Variants in PDS5B observed in about 807,000 individuals in gnomAD.
PDS5B encodes the protein PDS5 cohesin associated factor B, also known as sister chromatid cohesion protein PDS5 homolog B.
A neutral mutation model predicts 184.1 loss-of-function variants in PDS5B; 51 were observed. The ratio of observed to expected loss-of-function variants is 0.28; its 90% CI spans 0.22 to 0.35. PDS5B has a LOEUF of 0.35. Among genes scored for constraint, PDS5B ranks in the 10% least tolerant of loss-of-function variants. The pLI is 1.00. For missense variants in PDS5B, 1,180 were observed against 1,723.3 expected, an observed-to-expected ratio of 0.68 and a Z score of 5.58; for synonymous variants, 566 against 569.2, an observed-to-expected ratio of 0.99 and a Z score of 0.08.
chr13:32,696,752 C>A (rs1298920440), intron 14 of PDS5B, 102 bp from the exon 15 acceptor site: 2 of 763,084 alleles, frequency 2.6e-6, no homozygotes, highest in Non-Finnish European at 2.3e-6. Context: ...GAGCATGGGT[C>A]TGCAGCATTT....
intron 1 of PDS5B, among the ~76,000 whole-genome samples, chr13:32,587,186 C>A (rs1454507174): frequency 6.6e-6 from 1 of 150,494 alleles, no homozygotes; most frequent in Admixed American, 6.6e-5. Flanking sequence ...CCGCCGGGTC[C>A]CCGCGCGCCG....
At chr13:32,711,671 T>C (rs1437309511) in intron 19 of PDS5B, among the ~76,000 whole-genome samples, 2 of 152,202 alleles carry the variant, frequency 1.3e-5, no homozygotes, top group Non-Finnish European at 2.9e-5. Flanking sequence ...ACTTCTAATT[T>C]TTAAGTAATC....
intron 10 of PDS5B, among the ~76,000 whole-genome samples, chr13:32,683,044 G>A (rs995107862): frequency 9.9e-5 from 15 of 150,878 alleles, no homozygotes; most frequent in African/African-American, 3.4e-4. Context: ...AGGCAGTCTC[G>A]CCCTGTCACC....
chr13:32,724,727 A>G (rs1285980959), intron 19 of PDS5B, among the ~76,000 whole-genome samples: 2 of 151,992 alleles, frequency 1.3e-5, no homozygotes, highest in Admixed American at 6.6e-5. Flanking sequence ...CTACAGGCGC[A>G]TGTCACCATG....
intron 9 of PDS5B, among the ~76,000 whole-genome samples, chr13:32,677,202 T>C (rs1951095380): frequency 6.6e-6 from 1 of 152,040 alleles, no homozygotes; most frequent in Non-Finnish European, 1.5e-5. Context: ...TTAAGCCAAC[T>C]TTTTTCTTTT....
intron 1 of PDS5B, among the ~76,000 whole-genome samples, chr13:32,635,994 C>T (rs1402376016): frequency 6.6e-6 from 1 of 151,964 alleles, no homozygotes; most frequent in Non-Finnish European, 1.5e-5. Context: ...TGGTCTCGAT[C>T]TCCTGACCTT....
At chr13:32,663,796 A>C (rs1251241121) in intron 6 of PDS5B, among the ~76,000 whole-genome samples, 1 of 152,164 alleles carries the variant, frequency 6.6e-6, no homozygotes, top group African/African-American at 2.4e-5. Flanking sequence ...GTGAAGTCTG[A>C]GCTTTTAGTG....
At chr13:32,728,211 A>G (rs1952977115) in intron 19 of PDS5B, among the ~76,000 whole-genome samples, 1 of 151,564 alleles carries the variant, frequency 6.6e-6, no homozygotes, top group Non-Finnish European at 1.5e-5. Flanking sequence ...GATTTATTCT[A>G]ACTTCTTGAG....
chr13:32,660,007 A>G (rs1950602515), intron 6 of PDS5B, among the ~76,000 whole-genome samples: 1 of 151,794 alleles, frequency 6.6e-6, no homozygotes, highest in African/African-American at 2.4e-5. Flanking sequence ...AACTTAGCAG[A>G]CACTACAAAT....
chr13:32,628,156 T>G lies in PDS5B; in HGVS notation c.-19-20598T>G, dbSNP rs533767353. Among the ~76,000 whole-genome samples, 68 of 152,366 alleles carry G rather than the reference T, an allele frequency of 4.5e-4. No homozygotes were observed. In the South Asian group the frequency reaches 0.013, roughly 30 times the overall value. Reference sequence around the variant, plus strand: ...TAAGGATTGCTTTTAAAAAATACTTTATTACAAATACTTTGAAATAACATA... The same window carrying G: ...TAAGGATTGCTTTTAAAAAATACTTGATTACAAATACTTTGAAATAACATA... On this transcript the variant is annotated intron_variant, in intron 1 of 34. Transcript: ENST00000315596.
chr13:32,747,991 A>G (rs992159576), intron 24 of PDS5B, among the ~76,000 whole-genome samples: 23 of 152,222 alleles, frequency 1.5e-4, no homozygotes, highest in African/African-American at 5.5e-4. Flanking sequence ...TTTGTTATAC[A>G]TTGCCACCTC....
intron 10 of PDS5B, among the ~76,000 whole-genome samples, chr13:32,682,271 A>C (rs1028459614): frequency 6.6e-6 from 1 of 152,162 alleles, no homozygotes; most frequent in African/African-American, 2.4e-5. Context: ...CATGATGCCA[A>C]AAAGTCCCCC....
rs778404816 is a variant in PDS5B, at chr13:32,775,067, T to A, written c.*15T>A. 8 of 1,580,448 alleles carry A rather than the reference T, an allele frequency of 5.1e-6. No individual in the cohort carries two copies. In the Admixed American group the frequency reaches 1.0e-4, roughly 20 times the overall value. On this transcript the variant is annotated 3_prime_UTR_variant, in exon 35 of 35. Coordinates refer to ENST00000315596, the MANE Select transcript of PDS5B (RefSeq NM_015032.4). ...AACGGCGATGAACAAATGTAATTAA[T>A]AACTTTCTCTGTGAAAGCTTTGGAA...
intron 20 of PDS5B, among the ~76,000 whole-genome samples, chr13:32,732,562 C>T (rs1454504834): frequency 1.3e-5 from 2 of 151,856 alleles, no homozygotes; most frequent in Non-Finnish European, 2.9e-5. Context: ...TTTGTAGGAT[C>T]AAAAAATTTG....
intron 6 of PDS5B, among the ~76,000 whole-genome samples, chr13:32,666,262 G>A (rs1295524053): frequency 6.6e-6 from 1 of 151,992 alleles, no homozygotes; most frequent in African/African-American, 2.4e-5. Context: ...ATTTTTATTG[G>A]AGACGGGGTT....
Position 32,737,730 on chromosome 13 carries a change from A to G in PDS5B, c.2406+2400A>G, listed in dbSNP as rs145102415. On this transcript the variant is annotated intron_variant, in intron 21 of 34. Coordinates refer to ENST00000315596, the MANE Select transcript of PDS5B (RefSeq NM_015032.4). ...ATCCATTAATTTGTCTTGTTTTATT[A>G]TATATTTGATATGTACAAAGGAATA... 9.6e-3 allele frequency among the ~76,000 whole-genome samples: 1,464 copies of G among 152,282 alleles called. 9 individuals are homozygous for G. Among genetic ancestry groups the G allele is most frequent in the Non-Finnish European group, 0.014 (956 of 68,024 alleles).
At chr13:32,663,510 GA>G (rs1434003448) in intron 6 of PDS5B, among the ~76,000 whole-genome samples, 1 of 152,086 alleles carries the variant, frequency 6.6e-6, no homozygotes, top group Non-Finnish European at 1.5e-5. Flanking sequence ...AATTTTAATA[GA>G]TATAGAAAAA....
At chr13:32,635,303 G>C (rs2058529886) in intron 1 of PDS5B, among the ~76,000 whole-genome samples, 1 of 142,796 alleles carries the variant, frequency 7.0e-6, no homozygotes, top group Non-Finnish European at 1.5e-5. Context: ...CTCCCAAAGT[G>C]CTGGGATTAC....
intron 1 of PDS5B, among the ~76,000 whole-genome samples, chr13:32,610,758 A>G (rs995602687): frequency 6.6e-6 from 1 of 151,826 alleles, no homozygotes; most frequent in African/African-American, 2.4e-5. Flanking sequence ...GAATGATTTA[A>G]CCTCTTTATG....
Sources: allele counts gnomAD v4.1 joint callset (sites outside exome capture counted in the v4.1 genomes callset), GRCh38; gene constraint gnomAD v4.1.1; transcripts MANE v1.5; gene names NCBI Gene and HGNC (gene_info 2026-07-23, HGNC 2026-07-21).